Variants in AKT1 observed in about 807,000 individuals in gnomAD.
AKT1 encodes AKT serine/threonine kinase 1.
AKT1 carries 21 observed loss-of-function variants against 63.1 expected under a neutral mutation model. The ratio of observed to expected loss-of-function variants is 0.33; its 90% confidence interval spans 0.24 to 0.48. The LOEUF (loss-of-function observed/expected upper bound fraction) is 0.48, where lower values mean the gene tolerates loss of function less well. Ranked by LOEUF, AKT1 falls within the 20% of genes least tolerant of loss-of-function variation. The probability of loss-of-function intolerance (pLI) is 0.99; values close to 1 mark genes in which losing one functional copy is unlikely to be tolerated. For missense variants in AKT1, 382 were observed against 666.0 expected (o/e 0.57, Z 4.69); for synonymous variants, 257 against 253.1 (o/e 1.02, Z -0.15).
intron 3 of AKT1, among the ~76,000 whole-genome samples, chr14:104,788,230 C>T (rs1444228009): frequency 3.3e-5 from 5 of 152,162 alleles, no homozygotes; most frequent in African/African-American, 2.4e-5. Context: ...TTGACCCTCA[C>T]CTGACAGCCT....
intron 5 of AKT1, chr14:104,776,348 A>G: frequency 3.9e-6 from 1 of 258,084 alleles, no homozygotes; most frequent in Non-Finnish European, 7.5e-6. Context: ...GGGTTTCACC[A>G]TGTTGGCAGG....
intron 4 of AKT1, chr14:104,777,233 A>C: frequency 4.7e-6 from 1 of 214,616 alleles, no homozygotes; most frequent in South Asian, 5.0e-5. Context: ...CCTGGAGCAC[A>C]CCCACACCTG....
chr14:104,785,988 C>T (rs534114029), intron 3 of AKT1, among the ~76,000 whole-genome samples: 6 of 152,226 alleles, frequency 3.9e-5, no homozygotes, highest in South Asian at 2.1e-4. Context: ...TGTCCTCCCC[C>T]ACAGGCACTG....
intron 4 of AKT1, among the ~76,000 whole-genome samples, chr14:104,779,850 C>T (rs1793450107): frequency 6.6e-6 from 1 of 151,496 alleles, no homozygotes; most frequent in East Asian, 1.9e-4. Context: ...CAGCCTCGGC[C>T]TTAGGACTCA....
intron 4 of AKT1, among the ~76,000 whole-genome samples, chr14:104,778,789 C>T (rs928527512): frequency 1.3e-5 from 2 of 152,302 alleles, no homozygotes; most frequent in South Asian, 2.1e-4. Context: ...GTCGGAGGAC[C>T]GCAGGCCTCA....
At chr14:104,794,591 T>G (rs1893795834) in intron 1 of AKT1, 1 of 152,202 alleles carries the variant, frequency 6.6e-6, no homozygotes, top group Non-Finnish European at 1.5e-5. Context: ...CTCCTCCATC[T>G]GCCTCCAGAA....
rs1041460983 is a variant in AKT1 at position 104,788,419 on chromosome 14, C to T, written c.46+4179G>A. On this transcript the variant is annotated intron_variant, in intron 3 of 14. Coordinates refer to ENST00000649815, the MANE Select transcript of AKT1 (RefSeq NM_001382430.1). ...ACAATTAGCCCTGCGGGGCCCTCCG[C>T]AGCAGCTGCTCTCTGGAGTGGGCTC... Among the ~76,000 whole-genome samples, 8 of 152,334 alleles carry T rather than the reference C, an allele frequency of 5.3e-5. No individual in the cohort carries two copies. The South Asian group carries it at 1.4e-3, about 28-fold the overall frequency.
intron 3 of AKT1, among the ~76,000 whole-genome samples, chr14:104,781,716 G>C (rs1007364087): frequency 2.6e-5 from 4 of 152,166 alleles, no homozygotes; most frequent in Admixed American, 6.5e-5. Flanking sequence ...GATGCTGGTG[G>C]AGGGTGGGGA....
intron 3 of AKT1, among the ~76,000 whole-genome samples, chr14:104,780,597 C>G (rs190077851): frequency 6.6e-6 from 1 of 152,194 alleles, no homozygotes; most frequent in Admixed American, 6.5e-5. Context: ...AGCAGCAGCT[C>G]GGGCCCCAGC....
intron 3 of AKT1, among the ~76,000 whole-genome samples, chr14:104,789,170 G>A (rs530641216): frequency 2.0e-5 from 3 of 152,336 alleles, no homozygotes; most frequent in Admixed American, 6.5e-5. Flanking sequence ...GTGCCCCTGC[G>A]GCCGGCACCC....
In AKT1 at chr14:104,775,160, G is replaced by A. The variant is rs139904675; in HGVS notation, c.483C>T (p.Phe161=). ...EYLKLLGKGT[F]GKVILVKEKA... Reference sequence around the variant, plus strand: ...TCTCCTTCACCAGGATCACCTTGCCGAAAGTGCCCTTGCCCAGCAGCTTCA... The same window carrying A: ...TCTCCTTCACCAGGATCACCTTGCCAAAAGTGCCCTTGCCCAGCAGCTTCA... Residue 161 remains phenylalanine (F), a synonymous_variant, in exon 7 of 15, where the codon TTC becomes TTT. Coordinates refer to ENST00000649815, the MANE Select transcript of AKT1 (RefSeq NM_001382430.1). The A allele has an allele frequency of 1.6e-5, 26 of 1,614,004 alleles. No homozygotes were observed. Among genetic ancestry groups the A allele is most frequent in the African/African-American group, 1.5e-4 (11 of 74,918 alleles).
chr14:104,778,389 G>A (rs1892849580), intron 4 of AKT1: 1 of 152,300 alleles, frequency 6.6e-6, no homozygotes, highest in African/African-American at 2.4e-5. Context: ...CAGGAGACAG[G>A]GGTGTCTGCC....
chr14:104,791,691 G>A (rs1233581449), intron 3 of AKT1, among the ~76,000 whole-genome samples: 6 of 152,286 alleles, frequency 3.9e-5, no homozygotes, highest in Middle Eastern at 3.4e-3. Flanking sequence ...CTGTGTTTGG[G>A]GTCTCCCCAC....
intron 3 of AKT1, among the ~76,000 whole-genome samples, chr14:104,782,550 C>T (rs1893115491): frequency 6.6e-6 from 1 of 152,088 alleles, no homozygotes. Flanking sequence ...CCAGGGGCGG[C>T]GCTTACCAGG....
intron 3 of AKT1, among the ~76,000 whole-genome samples, chr14:104,787,477 G>C (rs1159591834): frequency 6.6e-6 from 1 of 152,212 alleles, no homozygotes; most frequent in Non-Finnish European, 1.5e-5. Context: ...ACCAGTCTCA[G>C]CTATGGGAGG....
rs1205616929 is a variant in AKT1, at chr14:104,770,352, C to T, written c.1432G>A (p.Gly478Ser). 2.5e-6 allele frequency: 4 copies of T among 1,611,790 alleles called. No homozygotes were observed. Among genetic ancestry groups the T allele is most frequent in the South Asian group, 1.1e-5 (1 of 90,754 alleles). Residue 478 changes from glycine to serine, a missense_variant, in exon 15 of 15, where the codon GGC becomes AGC. Transcript: ENST00000649815. ...AGTCCACCGCCGCCTCAGGCCGTGC[C>T]GCTGGCCGAGTAGGAGAACTGGGGG... ...HFPQFSYSASGTA is the reference protein window; with the variant it reads ...HFPQFSYSASSTA
rs61759792 is a variant in AKT1 at position 104,784,615 on chromosome 14, C to T, written c.47-4399G>A. On this transcript the variant is annotated intron_variant, in intron 3 of 14. Transcript: ENST00000649815. ...CCAGAAGTCCTCCTGGACCAAATAC[C>T]GGGGTTCTGAGAGGAAGCTGCTCCT... Among the ~76,000 whole-genome samples, 1,207 of 152,258 alleles carry T rather than the reference C, an allele frequency of 7.9e-3. 19 individuals are homozygous for T. The highest frequency in any genetic ancestry group is 0.028 in the African/African-American group (1,145 of 41,562).
intron 3 of AKT1, among the ~76,000 whole-genome samples, chr14:104,783,931 A>C (rs1345945430): frequency 6.6e-6 from 1 of 152,116 alleles, no homozygotes; most frequent in Non-Finnish European, 1.5e-5. Context: ...CGGATGGGGG[A>C]CCCCACACCA....
Position 104,770,185 on chromosome 14 carries a change from G to C in AKT1, c.*156C>G. 1.3e-6 allele frequency: 1 copy of C among 771,514 alleles called. No homozygotes were observed. Among genetic ancestry groups the C allele is most frequent in the Non-Finnish European group, 2.2e-6 (1 of 458,954 alleles). The allele number at this position is 771,514 out of a possible 1,614,324, so 47.8% of individuals were successfully genotyped here. ...CTACCCCGCTGCGGGGGAGGGTGCT[G>C]CCCACAGCACAAAAACGTCTTTCCA... On this transcript the variant is annotated 3_prime_UTR_variant, in exon 15 of 15. Coordinates refer to ENST00000649815, the MANE Select transcript of AKT1 (RefSeq NM_001382430.1).
Sources: allele counts gnomAD v4.1 joint callset (sites outside exome capture counted in the v4.1 genomes callset), GRCh38; gene constraint gnomAD v4.1.1; transcripts MANE v1.5; gene names NCBI Gene and HGNC (gene_info 2026-07-23, HGNC 2026-07-21).